The following PDZD8 variants were observed in gnomAD, a reference collection of about 807,000 sequenced individuals.
PDZD8 encodes PDZ domain containing 8.
Under a neutral mutation model 85.8 loss-of-function variants are expected in PDZD8, and 14 were observed. That is an observed-to-expected ratio of 0.16 (90% CI 0.11 to 0.26). PDZD8 has a LOEUF of 0.26. PDZD8 is among the 10% of genes least tolerant of loss of function. The pLI, the probability that PDZD8 is intolerant of heterozygous loss-of-function variation, is 1.00. For missense variants in PDZD8, 1,197 were observed against 1,424.3 expected, an observed-to-expected ratio of 0.84 and a Z score of 2.57; for synonymous variants, 592 against 568.6, an observed-to-expected ratio of 1.04 and a Z score of -0.59.
chr10:117,316,671 C>A (rs1404166264), intron 3 of PDZD8, among the ~76,000 whole-genome samples: 1 of 152,080 alleles, frequency 6.6e-6, no homozygotes, highest in African/African-American at 2.4e-5. Flanking sequence ...GCCTGGGTGA[C>A]AGAGCGAGAC....
chr10:117,303,092 G>A (rs1843874835), intron 3 of PDZD8, among the ~76,000 whole-genome samples: 1 of 152,208 alleles, frequency 6.6e-6, no homozygotes, highest in Admixed American at 6.5e-5. Context: ...AGAGAGGTTG[G>A]AACAGTTTGG....
At chr10:117,307,930 T>C (rs1337686380) in intron 3 of PDZD8, among the ~76,000 whole-genome samples, 2 of 152,112 alleles carry the variant, frequency 1.3e-5, no homozygotes, top group Non-Finnish European at 2.9e-5. Context: ...TAGTATATTA[T>C]AGAACTTCAC....
At chr10:117,315,180 A>G (rs941351942) in intron 3 of PDZD8, among the ~76,000 whole-genome samples, 8 of 152,184 alleles carry the variant, frequency 5.3e-5, no homozygotes, top group African/African-American at 1.7e-4. Context: ...AGAACAACCT[A>G]TTTGAAGAAT....
chr10:117,373,961 A>AGGGGATGCTGCAAAGCCAGTGAC lies in PDZD8; in HGVS notation c.872+372_872+394dup, dbSNP rs1281736469. Among the ~76,000 whole-genome samples the AGGGGATGCTGCAAAGCCAGTGAC allele has an allele frequency of 5.3e-5, 8 of 152,252 alleles. No individual in the cohort carries two copies. The East Asian group carries it at 1.5e-3, about 29-fold the overall frequency. On this transcript the variant is annotated intron_variant, in intron 1 of 4. Coordinates refer to ENST00000334464, the MANE Select transcript of PDZD8 (RefSeq NM_173791.5). The stretch of plus-strand genomic sequence containing the variant: ...CAGGAACAATTTCTCAAAGCGGCCA[A>AGGGGATGCTGCAAAGCCAGTGAC]GGGGATGCTGCAAAGCCAGTGACGC...
intron 3 of PDZD8, among the ~76,000 whole-genome samples, chr10:117,307,798 T>G (rs946433077): frequency 1.4e-4 from 21 of 152,106 alleles, no homozygotes; most frequent in African/African-American, 4.8e-4. Flanking sequence ...AAAGACGGGT[T>G]TAATAAGACA....
chr10:117,374,791 C>A lies in PDZD8; in HGVS notation c.437G>T (p.Arg146Leu). 1 of 1,613,200 alleles carries A rather than the reference C, an allele frequency of 6.2e-7. No homozygotes were observed. Residue 146 changes from arginine to leucine, a missense_variant, in exon 1 of 5, where the codon CGG (arginine) becomes CTG (leucine). Coordinates refer to ENST00000334464, the MANE Select transcript of PDZD8 (RefSeq NM_173791.5). The surrounding 1 kb of genome is among the most constrained non-coding windows in gnomAD (Gnocchi z 7.8). ...AGRLLEGLSL[R>L]DVFLGETVPF... is the part of the protein sequence containing the mutation. ...CACCGTCTCGCCCAGGAACACGTCC[C>A]GCAGGCTCAGCCCCTCCAGCAGGCG...
At position 117,375,228 on chromosome 10, in the gene PDZD8, C is replaced by CCCGCCA. The variant is rs1564718970; in HGVS notation, c.-7_-2dup. The CCCGCCA allele has an allele frequency of 1.4e-6, 2 of 1,479,248 alleles. No homozygotes were observed. The highest frequency in any genetic ancestry group is 1.3e-5 in the South Asian group (1 of 77,248). The allele number at this position is 1,479,248 out of a possible 1,614,324, so 91.6% of individuals were successfully genotyped here. On this transcript the variant is annotated 5_prime_UTR_variant, in exon 1 of 5. Transcript: ENST00000334464. Reference sequence around the variant, plus strand: ...CCAGGATCATGAGCAGCAGCCCCATCCCGCCACCGCCTCCGCCCGGGCCCC... The same window carrying CCCGCCA: ...CCAGGATCATGAGCAGCAGCCCCATCCCGCCACCGCCACCGCCTCCGCCCGGGCCCC...
At position 117,375,183 on chromosome 10, in the gene PDZD8, G is replaced by A. The variant is rs746847949; in HGVS notation, c.45C>T (p.Ser15=). 104 of 1,575,990 alleles carry A rather than the reference G, an allele frequency of 6.6e-5. No homozygotes were observed. Among genetic ancestry groups the A allele is most frequent in the Middle Eastern group, 1.7e-4 (1 of 5,934 alleles). Residue 15 remains serine, a synonymous_variant, in exon 1 of 5, where the codon TCC becomes TCT. Transcript: ENST00000334464. The part of the protein sequence containing the change: ...LMILASAVLG[S]FLTLLAQFFL... ...AGAACTGGGCGAGGAGCGTGAGGAAGGAACCCAGCACGGCCGACGCCAGGA... is the reference window on the plus strand; with the variant it reads ...AGAACTGGGCGAGGAGCGTGAGGAAAGAACCCAGCACGGCCGACGCCAGGA...
rs1005723075 is a variant in PDZD8 at position 117,314,664 on chromosome 10, C to A, written c.1098+4208G>T. On this transcript the variant is annotated intron_variant, in intron 3 of 4. Transcript: ENST00000334464. ...GGGCTACAAAAGGTATGAAGTACTT[C>A]TACTCTTTTACTTATACTGAACAAA... Among the ~76,000 whole-genome samples the A allele has an allele frequency of 3.3e-5, 5 of 152,226 alleles. No homozygotes were observed. The South Asian group carries it at 1.0e-3, about 32-fold the overall frequency.
At chr10:117,312,137 A>G (rs1302083328) in intron 3 of PDZD8, among the ~76,000 whole-genome samples, 8 of 152,092 alleles carry the variant, frequency 5.3e-5, no homozygotes, top group Admixed American at 2.0e-4. Flanking sequence ...CAAACAAGCT[A>G]AGGTCTAACA....
intron 3 of PDZD8, among the ~76,000 whole-genome samples, chr10:117,290,933 A>G (rs1844749374): frequency 6.8e-6 from 1 of 147,256 alleles, no homozygotes; most frequent in Admixed American, 7.0e-5. Flanking sequence ...GCAGTGGCAC[A>G]ATCCTGGCTC....
At position 117,290,303 on chromosome 10, in the gene PDZD8, G is replaced by C. The variant is rs1246984919; in HGVS notation, c.1144C>G (p.Arg382Gly). 2 of 1,612,598 alleles carry C rather than the reference G, an allele frequency of 1.2e-6. No individual in the cohort carries two copies. Among genetic ancestry groups the C allele is most frequent in the Non-Finnish European group, 1.7e-6 (2 of 1,179,128 alleles). Residue 382 changes from arginine to glycine, a missense_variant, in exon 4 of 5, where the codon CGT becomes GGT. Transcript: ENST00000334464. ...TACCCATCAGTTGACTGGACAAGAC[G>C]AAGTGTAAGTCCAACACTTTGTAAA... ...GNLQSVGLTL[R>G]LVQSTDGYAG...
chr10:117,295,412 C>T (rs1244184198), intron 3 of PDZD8, among the ~76,000 whole-genome samples: 1 of 152,130 alleles, frequency 6.6e-6, no homozygotes, highest in African/African-American at 2.4e-5. Context: ...GAACATTATA[C>T]TCAACAATGG....
intron 2 of PDZD8, among the ~76,000 whole-genome samples, chr10:117,327,939 A>G (rs1392529058): frequency 6.6e-6 from 1 of 152,210 alleles, no homozygotes; most frequent in African/African-American, 2.4e-5. Context: ...GGATATTCAA[A>G]TACTGGAAAA....
Position 117,350,247 on chromosome 10 carries a change from GT to G in PDZD8, c.873-9146del, listed in dbSNP as rs202115342. ...TCTAGGTAGTCTAGCTCCAGAATCT[GT>G]TTTTTTTGTTTGTTTGTTTCTTTTT... On this transcript the variant is annotated intron_variant, in intron 1 of 4. Coordinates refer to ENST00000334464, the MANE Select transcript of PDZD8 (RefSeq NM_173791.5). Among the ~76,000 whole-genome samples the G allele has an allele frequency of 3.9e-5, 5 of 127,486 alleles. No individual in the cohort carries two copies. The East Asian group carries it at 6.4e-4, about 16-fold the overall frequency. 83.6% of individuals were successfully genotyped at this position (127,486 alleles called of 152,430 possible). A position where few individuals can be genotyped will look rare whatever the true frequency, so the allele number is the denominator to read the frequency against.
intron 1 of PDZD8, among the ~76,000 whole-genome samples, chr10:117,364,771 G>A (rs748258666): frequency 1.3e-5 from 2 of 152,064 alleles, no homozygotes; most frequent in African/African-American, 2.4e-5. Context: ...ATGGCTGAGA[G>A]TAGAGAAAAG....
At chr10:117,329,304 C>A (rs949262252) in intron 2 of PDZD8, among the ~76,000 whole-genome samples, 1 of 152,178 alleles carries the variant, frequency 6.6e-6, no homozygotes, top group South Asian at 2.1e-4. Flanking sequence ...AAATTGCCGT[C>A]TATCTCCTGA....
rs765190868 is a variant in PDZD8 at position 117,284,807 on chromosome 10, T to C, written c.1926A>G (p.Ile642Met). Reference protein sequence around the residue: ...AEKQAKNVDAIDDAAAPKQFL... With the variant: ...AEKQAKNVDAMDDAAAPKQFL... The stretch of plus-strand genomic sequence containing the variant: ...ATTGCTTAGGTGCAGCTGCATCGTC[T>C]ATGGCATCCACATTTTTTGCTTGCT... Residue 642 changes from isoleucine to methionine, a missense_variant, in exon 5 of 5, where the codon ATA (isoleucine) becomes ATG (methionine). By Grantham distance (10) the Ile-to-Met change is conservative. Coordinates refer to ENST00000334464, the MANE Select transcript of PDZD8 (RefSeq NM_173791.5). 1.9e-6 allele frequency: 3 copies of C among 1,614,246 alleles called. No homozygotes were observed. The highest frequency in any genetic ancestry group is 2.2e-5 in the East Asian group (1 of 44,890).
chr10:117,299,903 G>A (rs1471312924), intron 3 of PDZD8, among the ~76,000 whole-genome samples: 2 of 152,144 alleles, frequency 1.3e-5, no homozygotes, highest in Non-Finnish European at 2.9e-5. Context: ...TTCTTCCTCA[G>A]TGCAGGAATC....
Sources: gnomAD v4.1 joint callset for allele counts (sites outside exome capture counted in the v4.1 genomes callset) on GRCh38, gnomAD v4.1.1 for gene constraint, Gnocchi (gnomAD v3.1) non-coding constraint, MANE v1.5 for transcripts, NCBI Gene and HGNC (gene_info 2026-07-23, HGNC 2026-07-21) for gene names.